The following LUC7L3 variants were observed in gnomAD, a reference collection of about 807,000 sequenced individuals.
LUC7L3 encodes the protein LUC7 like 3 pre-mRNA splicing factor.
Under a neutral mutation model 66.8 loss-of-function variants are expected in LUC7L3, and 6 were observed. The observed-to-expected ratio is 0.09, with a 90% CI of 0.05 to 0.18. LUC7L3 has a LOEUF of 0.18. Among genes scored for constraint, LUC7L3 ranks in the 10% least tolerant of loss-of-function variants. The pLI, the probability that LUC7L3 is intolerant of heterozygous loss-of-function variation, is 1.00. For synonymous variants in LUC7L3, 160 were observed against 174.7 expected, an observed-to-expected ratio of 0.92 and a Z score of 0.66; for missense variants, 341 against 531.1, an observed-to-expected ratio of 0.64 and a Z score of 3.52.
Position 50,745,949 on chromosome 17 carries a change from G to T in LUC7L3, c.923G>T (p.Cys308Phe). 2 of 1,612,048 alleles carry T rather than the reference G, an allele frequency of 1.2e-6. No homozygotes were observed. The highest frequency in any genetic ancestry group is 1.7e-6 in the Non-Finnish European group (2 of 1,179,538). ...RHSSRTSDRRCSRSRDHKRSR... is the reference protein window; with the variant it reads ...RHSSRTSDRRFSRSRDHKRSR... Reference sequence around the variant, plus strand: ...TCAAGCCGAACATCAGACAGAAGATGCAGCAGGTCTCGGGACCACAAAAGG... The same window carrying T: ...TCAAGCCGAACATCAGACAGAAGATTCAGCAGGTCTCGGGACCACAAAAGG... Residue 308 changes from cysteine (C) to phenylalanine (F), a missense_variant, in exon 8 of 10, where the codon TGC becomes TTC. By Grantham distance (205) the Cys-to-Phe change is radical. Coordinates refer to ENST00000505658, the MANE Select transcript of LUC7L3 (RefSeq NM_016424.5).
chr17:50,743,656 A>G (rs1226173323), intron 5 of LUC7L3, 50 bp from the exon 6 acceptor site: 1 of 1,177,506 alleles, frequency 8.5e-7, no homozygotes, highest in Non-Finnish European at 1.3e-6. Flanking sequence ...AAAAGACAAT[A>G]GTTGGGTTTG....
chr17:50,735,953 T>A (rs1409213343), intron 1 of LUC7L3, among the ~76,000 whole-genome samples: 1 of 152,274 alleles, frequency 6.6e-6, no homozygotes, highest in African/African-American at 2.4e-5. Context: ...ACCAACATGG[T>A]GAAACCCTGT....
intron 1 of LUC7L3, among the ~76,000 whole-genome samples, chr17:50,726,806 A>G (rs1160729895): frequency 1.3e-5 from 2 of 152,124 alleles, no homozygotes; most frequent in Non-Finnish European, 2.9e-5. Context: ...AATACAGTAT[A>G]TAGCCAGGCA....
chr17:50,738,123 A>G lies in LUC7L3; in HGVS notation c.166+1097A>G, dbSNP rs1462656752. 6 of 455,814 alleles carry G rather than the reference A, an allele frequency of 1.3e-5. No individual in the cohort carries two copies. In the East Asian group the frequency reaches 2.1e-4, roughly 16 times the overall value. The allele number at this position is 455,814 out of a possible 1,614,324, so 28.2% of individuals were successfully genotyped here. A position where few individuals can be genotyped will look rare whatever the true frequency, so the allele number is the denominator to read the frequency against. Reference sequence around the variant, plus strand: ...CCTGTTCCTAGAAGGATACAGCCAGATGTTTTTCCCCAGGCAGAAGAAAAG... The same window carrying G: ...CCTGTTCCTAGAAGGATACAGCCAGGTGTTTTTCCCCAGGCAGAAGAAAAG... On this transcript the variant is annotated intron_variant, in intron 2 of 9. Coordinates refer to ENST00000505658, the MANE Select transcript of LUC7L3 (RefSeq NM_016424.5).
chr17:50,736,251 T>G (rs1428005243), intron 1 of LUC7L3, among the ~76,000 whole-genome samples: 1 of 152,232 alleles, frequency 6.6e-6, no homozygotes, highest in African/African-American at 2.4e-5. Context: ...AAAATTAAAT[T>G]TGGGATAGAG....
chr17:50,755,935 TC>T lies in LUC7L3; in HGVS notation c.*5275del, dbSNP rs1445198601. The T allele has an allele frequency of 1.3e-5, 2 of 151,802 alleles. No individual in the cohort carries two copies. Among genetic ancestry groups the T allele is most frequent in the Non-Finnish European group, 2.9e-5 (2 of 67,982 alleles). The allele number at this position is 151,802 out of a possible 1,614,324, so 9.4% of individuals were successfully genotyped here. ...TGGACAAAACTCAACAATAGAAGGA[TC>T]AAAAAAAGCAAGTCACAGAAGAATA... On this transcript the variant is annotated 3_prime_UTR_variant, in exon 10 of 10. Coordinates refer to ENST00000505658, the MANE Select transcript of LUC7L3 (RefSeq NM_016424.5).
chr17:50,721,506 T>C (rs1968763291), intron 1 of LUC7L3, among the ~76,000 whole-genome samples: 1 of 152,258 alleles, frequency 6.6e-6, no homozygotes, highest in Non-Finnish European at 1.5e-5. Context: ...TTTCAGTGTT[T>C]ATTACTAAAG....
chr17:50,732,776 A>G (rs7215460), intron 1 of LUC7L3, among the ~76,000 whole-genome samples: 151,948 of 152,228 alleles, frequency 1, 75,834 homozygotes, highest in Middle Eastern at 1. Context: ...GCGTTCTGTC[A>G]CCCTAGCTGG....
In LUC7L3 at chr17:50,752,227, A is replaced by G; in HGVS notation, c.*1566A>G. On this transcript the variant is annotated 3_prime_UTR_variant, in exon 10 of 10. Transcript: ENST00000505658. The stretch of plus-strand genomic sequence containing the variant: ...CTACTGTTCGAAGATTTTTGGAAGA[A>G]TACTGAGAACGGCATAAAGTGAAGA... 3.1e-6 allele frequency: 4 copies of G among 1,286,620 alleles called. No homozygotes were observed. The highest frequency in any genetic ancestry group is 1.2e-5 in the South Asian group (1 of 80,482). The allele number at this position is 1,286,620 out of a possible 1,614,324, so 79.7% of individuals were successfully genotyped here. A position where few individuals can be genotyped will look rare whatever the true frequency, so the allele number is the denominator to read the frequency against.
chr17:50,749,478 A>G (rs1241121648), intron 9 of LUC7L3: 2 of 763,194 alleles, frequency 2.6e-6, no homozygotes, highest in South Asian at 2.1e-5. Context: ...GCTCTTTTAC[A>G]TAAGATCTTC....
intron 2 of LUC7L3, chr17:50,738,187 G>A (rs1212036765): frequency 4.4e-6 from 2 of 455,418 alleles, no homozygotes; most frequent in Non-Finnish European, 8.8e-6. Flanking sequence ...TTCCTGAGAA[G>A]TGATCTCTGC....
At chr17:50,720,268 A>C (rs1050398328) in intron 1 of LUC7L3, among the ~76,000 whole-genome samples, 2 of 152,248 alleles carry the variant, frequency 1.3e-5, no homozygotes, top group Non-Finnish European at 2.9e-5. Context: ...TTAAGTAATT[A>C]CAGCATGACG....
chr17:50,743,365 A>G (rs1432378267), intron 5 of LUC7L3, among the ~76,000 whole-genome samples: 3 of 146,944 alleles, frequency 2.0e-5, no homozygotes, highest in Non-Finnish European at 4.5e-5. Context: ...TGCCTGGCTA[A>G]TTTTTTTTTT....
chr17:50,731,356 C>T (rs531423314), intron 1 of LUC7L3, among the ~76,000 whole-genome samples: 1 of 152,194 alleles, frequency 6.6e-6, no homozygotes, highest in African/African-American at 2.4e-5. Flanking sequence ...TTTGTAGAGA[C>T]AGGGTTTCAC....
At chr17:50,729,942 A>ATATGTATG (rs1226750974) in intron 1 of LUC7L3, among the ~76,000 whole-genome samples, 5 of 30,868 alleles carry the variant, frequency 1.6e-4, no homozygotes, top group African/African-American at 5.6e-4. Context: ...ATATATATAT[A>ATATGTATG]TATGTATGTA....
intron 1 of LUC7L3, chr17:50,736,678 A>T: frequency 3.0e-6 from 1 of 330,384 alleles, no homozygotes; most frequent in South Asian, 4.4e-5. Context: ...TTATTTTGGG[A>T]TGTCTTTCCC....
intron 1 of LUC7L3, among the ~76,000 whole-genome samples, chr17:50,735,310 T>A (rs1360033297): frequency 2.6e-5 from 4 of 152,236 alleles, no homozygotes; most frequent in Middle Eastern, 3.4e-3. Flanking sequence ...GTTTTATGAC[T>A]TTAATCCTGG....
intron 6 of LUC7L3, among the ~76,000 whole-genome samples, chr17:50,744,117 G>A (rs1485401060): frequency 6.6e-6 from 1 of 152,082 alleles, no homozygotes; most frequent in Non-Finnish European, 1.5e-5. Context: ...CATTTTTGTT[G>A]TAATAAATTA....
In LUC7L3 at chr17:50,736,972, T is replaced by C; in HGVS notation, c.112T>C (p.Tyr38His). The C allele has an allele frequency of 6.2e-7, 1 of 1,609,286 alleles. No homozygotes were observed. The highest frequency in any genetic ancestry group is 8.5e-7 in the Non-Finnish European group (1 of 1,177,336). Residue 38 changes from tyrosine (Y) to histidine (H), a missense_variant, in exon 2 of 10, where the codon TAT becomes CAT. Physicochemically the swap from Tyr to His is moderately conservative, Grantham distance 83 (BLOSUM62 2). This residue lies in a region of LUC7L3 where 19 missense variants were observed against 17.4 expected (regional missense o/e 1.09). Coordinates refer to ENST00000505658, the MANE Select transcript of LUC7L3 (RefSeq NM_016424.5). ...RWDHESVCKY[Y>H]LCGFCPAELF... ...TTTTCTTTACTAGGTTTGTAAATAT[T>C]ATCTCTGTGGTTTTTGTCCTGCGGA...
Sources: allele counts gnomAD v4.1 joint callset (sites outside exome capture counted in the v4.1 genomes callset), GRCh38; gene constraint gnomAD v4.1.1; regional missense constraint gnomAD v4.1.1; transcripts MANE v1.5; gene names NCBI Gene and HGNC (gene_info 2026-07-23, HGNC 2026-07-21).